ERC2: variants seen among roughly 807,000 people sequenced by gnomAD.
The protein encoded by ERC2 is ERC protein 2.
In ERC2, 42 loss-of-function variants were observed where a neutral mutation model predicts 114.8. That is an observed-to-expected ratio of 0.37 (90% CI 0.29 to 0.47). The LOEUF is 0.47. ERC2 is among the 20% of genes least tolerant of loss of function. The pLI, the probability that ERC2 is intolerant of heterozygous loss-of-function variation, is 0.99. For missense variants in ERC2, 939 were observed against 1,150.7 expected, an observed-to-expected ratio of 0.82 and a Z score of 2.66; for synonymous variants, 454 against 425.5, an observed-to-expected ratio of 1.07 and a Z score of -0.82.
intron 15 of ERC2, among the ~76,000 whole-genome samples, chr3:55,732,268 T>C (rs575819747): frequency 6.6e-6 from 1 of 152,290 alleles, no homozygotes; most frequent in South Asian, 2.1e-4. Context: ...TTAATCATTG[T>C]TCTTAGAGTC....
intron 7 of ERC2, among the ~76,000 whole-genome samples, chr3:56,058,831 A>T (rs116774098): frequency 3.5e-4 from 54 of 152,300 alleles, no homozygotes; most frequent in Admixed American, 4.6e-4. Context: ...TAATCACATG[A>T]GCCAATTTCT....
At chr3:56,307,755 T>C (rs1201982174) in intron 2 of ERC2, among the ~76,000 whole-genome samples, 3 of 151,996 alleles carry the variant, frequency 2.0e-5, no homozygotes, top group Non-Finnish European at 4.4e-5. Flanking sequence ...ACGTGTTCTG[T>C]TGGGGGAGTA....
At chr3:55,511,476 G>A (rs894010567) in intron 17 of ERC2, among the ~76,000 whole-genome samples, 200 bp from the exon 18 acceptor site, 1 of 152,248 alleles carries the variant, frequency 6.6e-6, no homozygotes, top group Non-Finnish European at 1.5e-5. Context: ...GATAAACTAC[G>A]TCCTGCAAGT....
intron 2 of ERC2, among the ~76,000 whole-genome samples, chr3:56,389,425 G>A (rs1015316635): frequency 6.6e-6 from 1 of 152,114 alleles, no homozygotes; most frequent in African/African-American, 2.4e-5. Context: ...AGAGTTACAT[G>A]CGAAATACTG....
intron 7 of ERC2, among the ~76,000 whole-genome samples, chr3:56,059,427 C>T (rs907610465): frequency 2.0e-5 from 3 of 152,138 alleles, no homozygotes; most frequent in Non-Finnish European, 4.4e-5. Flanking sequence ...TGGTTAAAAT[C>T]CAGACTACTT....
intron 7 of ERC2, among the ~76,000 whole-genome samples, chr3:56,047,638 G>A (rs1191141749): frequency 1.3e-5 from 2 of 152,206 alleles, no homozygotes; most frequent in Admixed American, 6.5e-5. Flanking sequence ...AGGGAGAGGT[G>A]CAAGGAATGA....
At chr3:56,297,308 T>C (rs1272000041) in intron 2 of ERC2, among the ~76,000 whole-genome samples, 2 of 151,546 alleles carry the variant, frequency 1.3e-5, no homozygotes, top group African/African-American at 2.4e-5. Context: ...TTGATAGACA[T>C]GGAAAAAAAA....
chr3:55,600,168 AT>A (rs1410965176), intron 17 of ERC2, among the ~76,000 whole-genome samples: 1 of 152,234 alleles, frequency 6.6e-6, no homozygotes, highest in Non-Finnish European at 1.5e-5. Flanking sequence ...AACATGATAG[AT>A]ATGGGAATTA....
chr3:56,339,098 G>A (rs1425260836), intron 2 of ERC2, among the ~76,000 whole-genome samples: 2 of 152,188 alleles, frequency 1.3e-5, no homozygotes, highest in Non-Finnish European at 2.9e-5. Flanking sequence ...AGCTATGGGA[G>A]ACAACATGGG....
rs1279483180 is a variant in ERC2 at position 55,986,073 on chromosome 3, T to A, written c.2256-85A>T. Reference sequence around the variant, plus strand: ...GCAAAAGAGAATAAAAGGAAGGAAATGCATTAGTTTTAAACATATAGCCAA... The same window carrying A: ...GCAAAAGAGAATAAAAGGAAGGAAAAGCATTAGTTTTAAACATATAGCCAA... On this transcript the variant is annotated intron_variant, in intron 11 of 17. Transcript: ENST00000288221. 2.4e-6 allele frequency: 3 copies of A among 1,266,504 alleles called. 1 individual carries two copies. In the South Asian group the frequency reaches 3.8e-5, roughly 16 times the overall value. The allele number at this position is 1,266,504 out of a possible 1,614,324, so 78.5% of individuals were successfully genotyped here.
chr3:55,878,890 A>G (rs541418631), intron 14 of ERC2, among the ~76,000 whole-genome samples: 1 of 152,314 alleles, frequency 6.6e-6, no homozygotes, highest in East Asian at 1.9e-4. Flanking sequence ...CTGACATGCA[A>G]TTTAACTCAC....
At chr3:56,386,763 C>G (rs574087298) in intron 2 of ERC2, among the ~76,000 whole-genome samples, 10 of 152,278 alleles carry the variant, frequency 6.6e-5, no homozygotes, top group African/African-American at 2.4e-4. Flanking sequence ...AAATGATAAA[C>G]TGCTAGGTCA....
intron 3 of ERC2, among the ~76,000 whole-genome samples, chr3:56,205,345 T>A (rs1457294278): frequency 6.6e-6 from 1 of 152,178 alleles, no homozygotes; most frequent in Non-Finnish European, 1.5e-5. Flanking sequence ...CAAATGTTTG[T>A]CCCCAAGTCC....
chr3:56,378,157 A>T (rs1042993003), intron 2 of ERC2, among the ~76,000 whole-genome samples: 1 of 150,898 alleles, frequency 6.6e-6, no homozygotes, highest in East Asian at 2.0e-4. Context: ...AATAGCAAAG[A>T]CTTGGAACCA....
intron 6 of ERC2, among the ~76,000 whole-genome samples, chr3:56,138,960 G>C (rs2080687858): frequency 1.3e-5 from 2 of 152,150 alleles, no homozygotes; most frequent in Non-Finnish European, 2.9e-5. Flanking sequence ...TCTTCAATGG[G>C]TAAAAGAAAT....
Position 55,552,454 on chromosome 3 carries a change from G to A in ERC2, c.*40-41178C>T, listed in dbSNP as rs750237075. Reference sequence around the variant, plus strand: ...CATTCTTCCTCCCTGGCTTTGAGGCGTCTGGACTTTTGCACACCAGAGAAA... The same window carrying A: ...CATTCTTCCTCCCTGGCTTTGAGGCATCTGGACTTTTGCACACCAGAGAAA... On this transcript the variant is annotated intron_variant, in intron 17 of 17. Transcript: ENST00000288221. 2.0e-3 allele frequency among the ~76,000 whole-genome samples: 310 copies of A among 151,884 alleles called. 4 individuals carry two copies. The highest frequency in any genetic ancestry group is 1.9e-3 in the Non-Finnish European group (128 of 67,976).
intron 17 of ERC2, among the ~76,000 whole-genome samples, chr3:55,646,488 T>G (rs990331300): frequency 2.0e-5 from 3 of 152,250 alleles, no homozygotes; most frequent in Non-Finnish European, 4.4e-5. Context: ...GGAATTTAGA[T>G]GAATGATTGT....
intron 12 of ERC2, among the ~76,000 whole-genome samples, chr3:55,960,928 A>G (rs1026189946): frequency 5.3e-5 from 8 of 152,250 alleles, no homozygotes; most frequent in African/African-American, 1.7e-4. Flanking sequence ...TGAGGTCAGG[A>G]GTTCGAGACA....
chr3:55,526,054 T>C (rs954180217), intron 17 of ERC2, among the ~76,000 whole-genome samples: 2 of 151,858 alleles, frequency 1.3e-5, no homozygotes, highest in South Asian at 2.1e-4. Context: ...AGAGGAAAAA[T>C]TGGACACAGA....
Sources: gnomAD v4.1 joint callset for allele counts (sites outside exome capture counted in the v4.1 genomes callset) on GRCh38, gnomAD v4.1.1 for gene constraint, MANE v1.5 for transcripts, NCBI Gene and HGNC (gene_info 2026-07-23, HGNC 2026-07-21) for gene names.